ATG7: variants seen among roughly 807,000 people sequenced by gnomAD.
The protein encoded by ATG7 is autophagy related 7, also known as ubiquitin-like modifier-activating enzyme ATG7.
A neutral mutation model predicts 82.4 loss-of-function variants in ATG7; 70 were observed. The observed-to-expected ratio is 0.85, with a 90% CI of 0.70 to 1.04. The LOEUF (loss-of-function observed/expected upper bound fraction) is 1.04. Among genes scored for constraint, ATG7 ranks in the 50% least tolerant of loss-of-function variants. The pLI, the probability that ATG7 is intolerant of heterozygous loss-of-function variation, is 0.00. For missense variants in ATG7, 792 were observed against 864.3 expected (o/e 0.92, Z 1.05); for synonymous variants, 287 against 313.0 (o/e 0.92, Z 0.88).
intron 19 of ATG7, among the ~76,000 whole-genome samples, chr3:11,398,762 G>A (rs987355800): frequency 8.5e-5 from 13 of 152,194 alleles, no homozygotes; most frequent in Admixed American, 2.6e-4. Context: ...GAGATAGGAG[G>A]ATTGCTTAAG....
intron 19 of ATG7, among the ~76,000 whole-genome samples, chr3:11,417,497 C>G (rs1385280990): frequency 6.6e-6 from 1 of 152,100 alleles, no homozygotes; most frequent in Admixed American, 6.5e-5. Flanking sequence ...CTTCTACTTA[C>G]TTTTCATTAG....
intron 14 of ATG7, among the ~76,000 whole-genome samples, chr3:11,351,179 C>T (rs527765172): frequency 6.6e-6 from 1 of 152,208 alleles, no homozygotes; most frequent in South Asian, 2.1e-4. Context: ...TCCCGTGTTC[C>T]AGGGACAGGG....
intron 1 of ATG7, among the ~76,000 whole-genome samples, chr3:11,274,051 T>G (rs1393803918): frequency 6.6e-6 from 1 of 152,174 alleles, no homozygotes; most frequent in Non-Finnish European, 1.5e-5. Flanking sequence ...TTCTGCTGCT[T>G]CGAACATCTC....
At chr3:11,351,798 T>C (rs183695367) in intron 14 of ATG7, among the ~76,000 whole-genome samples, 29 of 152,314 alleles carry the variant, frequency 1.9e-4, no homozygotes, top group Admixed American at 9.1e-4. Context: ...ATTTAACTTA[T>C]TGGTTAGCCA....
chr3:11,540,615 A>C (rs1024420576), intron 20 of ATG7, among the ~76,000 whole-genome samples: 3 of 148,066 alleles, frequency 2.0e-5, no homozygotes, highest in Admixed American at 6.8e-5. Context: ...TCCTCCAGCT[A>C]GGGCAACACA....
At chr3:11,277,857 G>T (rs71316462) in intron 1 of ATG7, among the ~76,000 whole-genome samples, 10 of 140,152 alleles carry the variant, frequency 7.1e-5, no homozygotes, top group Admixed American at 6.1e-4. Flanking sequence ...TCTCAACTGC[G>T]TAAGACAGAC....
intron 20 of ATG7, among the ~76,000 whole-genome samples, chr3:11,437,638 T>G (rs1050411265): frequency 6.6e-6 from 1 of 152,202 alleles, no homozygotes; most frequent in African/African-American, 2.4e-5. Flanking sequence ...AAAAGTACAG[T>G]GAATACCCAC....
chr3:11,456,809 C>T (rs1325072094), intron 20 of ATG7, among the ~76,000 whole-genome samples: 1 of 152,126 alleles, frequency 6.6e-6, no homozygotes, highest in Non-Finnish European at 1.5e-5. Context: ...CATTTTTTCG[C>T]GTTCACACTG....
intron 20 of ATG7, among the ~76,000 whole-genome samples, chr3:11,499,349 C>T (rs2091138254): frequency 6.6e-6 from 1 of 152,114 alleles, no homozygotes; most frequent in Admixed American, 6.5e-5. Flanking sequence ...ATGAGATCAT[C>T]AGAAGGAATG....
chr3:11,459,729 T>A (rs1343111385), intron 20 of ATG7, among the ~76,000 whole-genome samples: 10 of 152,144 alleles, frequency 6.6e-5, no homozygotes, highest in Non-Finnish European at 1.3e-4. Context: ...GTCGAGGCAA[T>A]AGCCATTCGT....
At chr3:11,318,196 A>C (rs767211248) in intron 9 of ATG7, among the ~76,000 whole-genome samples, 39 of 152,148 alleles carry the variant, frequency 2.6e-4, no homozygotes, top group Non-Finnish European at 5.0e-4. Context: ...TGTCGGATTC[A>C]GGCACACTAT....
At chr3:11,501,245 C>T (rs1467989581) in intron 20 of ATG7, among the ~76,000 whole-genome samples, 1 of 152,080 alleles carries the variant, frequency 6.6e-6, no homozygotes, top group Non-Finnish European at 1.5e-5. Context: ...AGAGTAAGAC[C>T]CTGTCTGAAA....
At chr3:11,411,670 A>G (rs1225240743) in intron 19 of ATG7, among the ~76,000 whole-genome samples, 1 of 146,750 alleles carries the variant, frequency 6.8e-6, no homozygotes, top group African/African-American at 2.5e-5. Context: ...TATGATTTTC[A>G]GATTATTTTG....
intron 20 of ATG7, among the ~76,000 whole-genome samples, chr3:11,477,570 AG>A (rs1185581344): frequency 3.9e-5 from 6 of 152,242 alleles, no homozygotes; most frequent in African/African-American, 1.4e-4. Flanking sequence ...AAAGCTTTTT[AG>A]TCACTATAGA....
chr3:11,462,116 C>T (rs913828354), intron 20 of ATG7, among the ~76,000 whole-genome samples: 13 of 152,036 alleles, frequency 8.6e-5, no homozygotes, highest in East Asian at 7.8e-4. Flanking sequence ...AAAACCTACT[C>T]GGCTCTCAAG....
chr3:11,426,225 T>C (rs948988953), intron 19 of ATG7, among the ~76,000 whole-genome samples: 2 of 152,224 alleles, frequency 1.3e-5, no homozygotes, highest in African/African-American at 4.8e-5. Context: ...ATTTTAGTCT[T>C]TTTGATAGGT....
intron 3 of ATG7, among the ~76,000 whole-genome samples, chr3:11,296,765 C>T (rs551321489): frequency 6.6e-6 from 1 of 152,310 alleles, no homozygotes; most frequent in African/African-American, 2.4e-5. Context: ...CTTGTTCCTT[C>T]TGCCCTCCAC....
In ATG7 at chr3:11,360,683, C is replaced by T. The variant is rs1025049612; in HGVS notation, c.1582C>T (p.Pro528Ser). The T allele has an allele frequency of 1.9e-6, 3 of 1,614,094 alleles. No individual in the cohort carries two copies. The highest frequency in any genetic ancestry group is 2.5e-6 in the Non-Finnish European group (3 of 1,180,010). The change falls in exon 16 of 21, where the codon CCT becomes TCT. Residue 528 changes from proline (P) to serine (S), a missense_variant. By Grantham distance (74) the Pro-to-Ser change is moderately conservative. Coordinates refer to ENST00000693202, the MANE Select transcript of ATG7 (RefSeq NM_001349232.2). ...AGCTGGGGACTTGTGTCCAAACCACCCTGTGGCATCTGCTGACCTCCTGGG... is the reference window on the plus strand; with the variant it reads ...AGCTGGGGACTTGTGTCCAAACCACTCTGTGGCATCTGCTGACCTCCTGGG... Reference protein sequence around the residue: ...QGAGDLCPNHPVASADLLGSS... With the variant: ...QGAGDLCPNHSVASADLLGSS...
intron 20 of ATG7, among the ~76,000 whole-genome samples, chr3:11,502,931 G>A (rs998874321): frequency 1.3e-5 from 2 of 152,098 alleles, no homozygotes; most frequent in Non-Finnish European, 2.9e-5. Flanking sequence ...TCTGTTAAGG[G>A]TAAAACAGGC....
Sources: gnomAD v4.1 joint callset for allele counts (sites outside exome capture counted in the v4.1 genomes callset) on GRCh38, gnomAD v4.1.1 for gene constraint, MANE v1.5 for transcripts, NCBI Gene and HGNC (gene_info 2026-07-23, HGNC 2026-07-21) for gene names.